UTS2: variants seen among roughly 807,000 people sequenced by gnomAD.
UTS2 encodes the protein urotensin-2.
Under a neutral mutation model 12.6 loss-of-function variants are expected in UTS2, and 10 were observed. The observed-to-expected ratio is 0.80, with a 90% confidence interval of 0.49 to 1.35. The LOEUF is 1.35. Among genes scored for constraint, UTS2 ranks in the 40% most tolerant of loss-of-function variants. UTS2 has a pLI of 0.00. For synonymous variants in UTS2, 52 were observed against 50.0 expected (o/e 1.04, Z -0.17); for missense variants, 142 against 143.2 (o/e 0.99, Z 0.04).
chr1:7,888,686 G>A, the UTS2 span, among the ~76,000 whole-genome samples: 1 of 152,196 alleles, frequency 6.6e-6, no homozygotes, highest in Non-Finnish European at 1.5e-5. Context: ...CACGACAAGT[G>A]TGAGATTTCA....
chr1:7,885,892 T>TGGTGGGGGGGTGG, the UTS2 span, among the ~76,000 whole-genome samples: 1 of 5,820 alleles, frequency 1.7e-4, no homozygotes, highest in Non-Finnish European at 3.2e-4. Flanking sequence ...GCCCAGGTGG[T>TGGTGGGGGGGTGG]GGTGGGGGGG....
chr1:7,904,309 T>TTA, the UTS2 span, among the ~76,000 whole-genome samples: 10 of 130,298 alleles, frequency 7.7e-5, no homozygotes, highest in African/African-American at 2.9e-4. Context: ...CTACAAAAAA[T>TTA]AAAAAAAAAA....
At chr1:7,865,975 G>A in the UTS2 span, among the ~76,000 whole-genome samples, 1 of 152,156 alleles carries the variant, frequency 6.6e-6, no homozygotes, top group African/African-American at 2.4e-5. Context: ...CCATTCTAAG[G>A]TAGGATCTCA....
At chr1:7,868,787 C>T in the UTS2 span, among the ~76,000 whole-genome samples, 1 of 152,158 alleles carries the variant, frequency 6.6e-6, no homozygotes, top group African/African-American at 2.4e-5. Flanking sequence ...AAGCCCTAGT[C>T]CCCAGTGAGA....
At chr1:7,879,547 C>G in the UTS2 span, among the ~76,000 whole-genome samples, 1 of 152,096 alleles carries the variant, frequency 6.6e-6, no homozygotes, top group African/African-American at 2.4e-5. Flanking sequence ...TTAAGACCAG[C>G]CTATCCAATA....
chr1:7,871,754 C>T, the UTS2 span, among the ~76,000 whole-genome samples: 3 of 152,106 alleles, frequency 2.0e-5, no homozygotes, highest in South Asian at 2.1e-4. Context: ...AGTGATCTTT[C>T]ATGTTACTAT....
At chr1:7,854,570 G>A (rs1638265537), upstream of UTS2, among the ~76,000 whole-genome samples, 2 of 148,618 alleles carry the variant, frequency 1.3e-5, no homozygotes, top group Admixed American at 6.7e-5. Context: ...AGAACTACTA[G>A]GGGAAAAAAC....
At chr1:7,851,629 C>A (rs577976070) in intron 1 of UTS2, among the ~76,000 whole-genome samples, 1 of 152,236 alleles carries the variant, frequency 6.6e-6, no homozygotes, top group East Asian at 1.9e-4. Context: ...GTGGGACCAG[C>A]GTGCCACAGG....
At chr1:7,862,185 A>G in the UTS2 span, among the ~76,000 whole-genome samples, 1 of 149,464 alleles carries the variant, frequency 6.7e-6, no homozygotes, top group Non-Finnish European at 1.5e-5. Flanking sequence ...TCGGCCTCCC[A>G]AAGTGCTGGG....
At chr1:7,898,994 T>A in the UTS2 span, among the ~76,000 whole-genome samples, 1 of 152,202 alleles carries the variant, frequency 6.6e-6, no homozygotes, top group Non-Finnish European at 1.5e-5. Context: ...ACAGGAAGCA[T>A]GGCTGGGGAG....
chr1:7,911,481 G>C, the UTS2 span, among the ~76,000 whole-genome samples: 1 of 152,192 alleles, frequency 6.6e-6, no homozygotes, highest in African/African-American at 2.4e-5. Context: ...CCAGGGTTTA[G>C]AGGATTATGT....
the UTS2 span, among the ~76,000 whole-genome samples, chr1:7,884,992 C>G: frequency 6.7e-6 from 1 of 150,232 alleles, no homozygotes; most frequent in Non-Finnish European, 1.5e-5. Context: ...ATCCATCCAT[C>G]CACTCATCCA....
chr1:7,906,481 A>AAGAAAGAAAGAAAGAAAG, the UTS2 span, among the ~76,000 whole-genome samples: 4 of 149,960 alleles, frequency 2.7e-5, no homozygotes, highest in African/African-American at 9.8e-5. Context: ...GAAAGAAAGA[A>AAGAAAGAAAGAAAGAAAG]AGAAAGAAAG....
At chr1:7,892,958 A>G in the UTS2 span, among the ~76,000 whole-genome samples, 1 of 152,134 alleles carries the variant, frequency 6.6e-6, no homozygotes, top group Non-Finnish European at 1.5e-5. Flanking sequence ...GGACATCTTT[A>G]GAGGTTGTTA....
At chr1:7,874,950 A>G in the UTS2 span, among the ~76,000 whole-genome samples, 2 of 152,138 alleles carry the variant, frequency 1.3e-5, no homozygotes, top group South Asian at 2.1e-4. Context: ...GCCTTCCGCC[A>G]TGACTGTAAG....
chr1:7,878,133 C>T, the UTS2 span, among the ~76,000 whole-genome samples: 7 of 152,184 alleles, frequency 4.6e-5, no homozygotes, highest in South Asian at 2.1e-4. Flanking sequence ...AATATGTTCA[C>T]AGTGCTGAAA....
the UTS2 span, among the ~76,000 whole-genome samples, chr1:7,910,702 C>T: frequency 6.6e-6 from 1 of 152,054 alleles, no homozygotes; most frequent in African/African-American, 2.4e-5. Context: ...TCCACTGGCC[C>T]CCAACAGAAT....
At chr1:7,856,252 TAAA>T (rs1250170161), upstream of UTS2, among the ~76,000 whole-genome samples, 1 of 152,120 alleles carries the variant, frequency 6.6e-6, no homozygotes, top group Non-Finnish European at 1.5e-5. Flanking sequence ...GTGAACAAAA[TAAA>T]AAGTTTCTAC....
At chr1:7,889,661 TAAAAATACAAAAATTAGCC>T in the UTS2 span, among the ~76,000 whole-genome samples, 12 of 151,618 alleles carry the variant, frequency 7.9e-5, no homozygotes, top group African/African-American at 2.2e-4. Flanking sequence ...AAAAATTAGC[TAAAAATACAAAAATTAGCC>T]GGGAGTAGTG....
Sources: gnomAD v4.1 joint callset for allele counts (sites outside exome capture counted in the v4.1 genomes callset) on GRCh38, gnomAD v4.1.1 for gene constraint, MANE v1.5 for transcripts, NCBI Gene and HGNC (gene_info 2026-07-23, HGNC 2026-07-21) for gene names.